Variants in DRC3 observed in about 807,000 individuals in gnomAD.
DRC3 encodes dynein regulatory complex subunit 3.
In DRC3, 45 loss-of-function variants were observed where a neutral mutation model predicts 57.6. The observed-to-expected ratio is 0.78, with a 90% CI of 0.62 to 1.00. The LOEUF (loss-of-function observed/expected upper bound fraction) is 1.00, where lower values mean the gene tolerates loss of function less well. Among genes scored for constraint, DRC3 ranks in the 50% least tolerant of loss-of-function variants. The pLI is 0.00. For missense variants in DRC3, 655 were observed against 675.2 expected (o/e 0.97, Z 0.33); for synonymous variants, 257 against 272.3 (o/e 0.94, Z 0.55).
intron 9 of DRC3, among the ~76,000 whole-genome samples, chr17:17,998,652 G>A (rs766833017): frequency 4.8e-4 from 73 of 152,190 alleles, no homozygotes; most frequent in Non-Finnish European, 8.8e-4. Flanking sequence ...GATGGAGTTG[G>A]TGATCCACTC....
At chr17:18,006,534 C>T (rs2043958455) in intron 11 of DRC3, 1 of 512,178 alleles carries the variant, frequency 2.0e-6, no homozygotes, top group Non-Finnish European at 3.5e-6. Context: ...GAGGCAACCC[C>T]CACGTGGAAG....
At chr17:18,015,847 C>A (rs1281340284) in intron 12 of DRC3, 2 of 523,242 alleles carry the variant, frequency 3.8e-6, no homozygotes, top group Admixed American at 3.2e-5. Context: ...CTGGTTGGCC[C>A]TTTCCCCACA....
chr17:17,985,035 G>A lies in DRC3; in HGVS notation c.277+1091G>A, dbSNP rs562438828. Among the ~76,000 whole-genome samples the A allele has an allele frequency of 7.2e-5, 11 of 152,170 alleles. No individual in the cohort carries two copies. The South Asian group carries it at 1.0e-3, about 14-fold the overall frequency. On this transcript the variant is annotated intron_variant, in intron 4 of 13. Coordinates refer to ENST00000399187, the MANE Select transcript of DRC3 (RefSeq NM_031294.4). ...CCTGGGCCCAGGTCTCTTGTCCCAG[G>A]TTTCTCATTTCTCTGCACTCTAGCA... is the stretch of plus-strand genomic sequence containing the variant.
At chr17:17,997,763 C>A in intron 9 of DRC3, 129 bp downstream of exon 9, 1 of 874,174 alleles carries the variant, frequency 1.1e-6, no homozygotes, top group Non-Finnish European at 1.6e-6. Context: ...TGGTTATTGT[C>A]CCCATTTGCC....
At chr17:17,998,617 T>C (rs1438998710) in intron 9 of DRC3, among the ~76,000 whole-genome samples, 3 of 152,104 alleles carry the variant, frequency 2.0e-5, no homozygotes, top group African/African-American at 7.2e-5. Context: ...TAGAGCAAAG[T>C]CCCTCGATGC....
chr17:17,988,026 C>G lies in DRC3; in HGVS notation c.372C>G (p.Ile124Met). The G allele has an allele frequency of 2.5e-6, 4 of 1,614,014 alleles. No homozygotes were observed. The highest frequency in any genetic ancestry group is 1.7e-6 in the Non-Finnish European group (2 of 1,179,896). The change falls in exon 5 of 14, where the codon ATC (isoleucine) becomes ATG (methionine). Residue 124 changes from isoleucine (I) to methionine (M), a missense_variant. Transcript: ENST00000399187. ...LSLFNNRISK[I>M]DSLDALVKLQ... ...TGTTCAACAACCGGATCTCCAAGAT[C>G]GACTCCCTGGACGCCCTCGTCAAGC...
rs1274123214 is a variant in DRC3, at chr17:18,016,661, T to G, written c.1562T>G (p.Ile521Ser). The G allele has an allele frequency of 1.4e-5, 23 of 1,608,640 alleles. No individual in the cohort carries two copies. Among genetic ancestry groups the G allele is most frequent in the Non-Finnish European group, 2.0e-5 (23 of 1,175,470 alleles). Residue 521 changes from isoleucine (I) to serine (S), a missense_variant, in exon 14 of 14, where the codon ATC becomes AGC. Coordinates refer to ENST00000399187, the MANE Select transcript of DRC3 (RefSeq NM_031294.4). ...CTGGACAACCTGGAATGTGGCGACATCCTAGACTAGATGAATGTCAGCCAC... is the reference window on the plus strand; with the variant it reads ...CTGGACAACCTGGAATGTGGCGACAGCCTAGACTAGATGAATGTCAGCCAC... ...SELDNLECGD[I>S]LD
At position 17,983,222 on chromosome 17, in the gene DRC3, G is replaced by A. The variant is rs918360709; in HGVS notation, c.161-606G>A. Among the ~76,000 whole-genome samples the A allele has an allele frequency of 3.9e-5, 6 of 152,178 alleles. 1 individual carries two copies. The South Asian group carries it at 6.2e-4, about 16-fold the overall frequency. On this transcript the variant is annotated intron_variant, in intron 3 of 13. Transcript: ENST00000399187. ...ATGGATGACTTATCTCATCCCCTAC[G>A]TATGGACATTTGGGAGCTTTTCTGC...
chr17:17,999,716 G>C (rs762428471), intron 9 of DRC3, among the ~76,000 whole-genome samples: 10 of 152,244 alleles, frequency 6.6e-5, no homozygotes, highest in Non-Finnish European at 1.3e-4. Context: ...TTGCAGAACA[G>C]AGATAACCAC....
At chr17:17,975,227 T>C (rs1055783364) in intron 2 of DRC3, among the ~76,000 whole-genome samples, 12 of 140,898 alleles carry the variant, frequency 8.5e-5, no homozygotes, top group African/African-American at 3.3e-4. Context: ...TTTTTTTTTT[T>C]CTTGATGGAG....
chr17:17,987,175 ACTGCACTCCAGT>A (rs1352454265), intron 4 of DRC3, among the ~76,000 whole-genome samples: 2 of 138,772 alleles, frequency 1.4e-5, no homozygotes, highest in Non-Finnish European at 3.0e-5. Context: ...TGATTGCGCC[ACTGCACTCCAGT>A]CTGCACAACA....
chr17:17,988,415 C>T (rs1597579596), intron 5 of DRC3: 2 of 314,260 alleles, frequency 6.4e-6, no homozygotes, highest in East Asian at 8.3e-5. Context: ...GTCCTGTGCT[C>T]ACTGGGAACA....
chr17:17,993,115 C>T, intron 6 of DRC3: 3 of 566,884 alleles, frequency 5.3e-6, no homozygotes, highest in Non-Finnish European at 9.3e-6. Context: ...TGTGCGTTCC[C>T]AGGGGCCAGG....
chr17:18,015,112 C>T (rs1470138078), intron 12 of DRC3: 1 of 152,226 alleles, frequency 6.6e-6, no homozygotes, highest in African/African-American at 2.4e-5. Flanking sequence ...CTTCAGAATA[C>T]TTTGTGCCCA....
At chr17:17,995,479 A>G (rs957960750) in intron 8 of DRC3, 17 of 201,642 alleles carry the variant, frequency 8.4e-5, no homozygotes, top group African/African-American at 3.5e-4. Context: ...CCACCCCACT[A>G]GGCAGGTACC....
chr17:17,988,316 C>T (rs2043058539), intron 5 of DRC3: 1 of 569,886 alleles, frequency 1.8e-6, no homozygotes, highest in Non-Finnish European at 3.1e-6. Flanking sequence ...TAGTTTACAA[C>T]CTCCACATTA....
intron 12 of DRC3, chr17:18,010,713 G>A (rs2044137595): frequency 5.8e-6 from 1 of 172,332 alleles, no homozygotes; most frequent in South Asian, 1.2e-4. Flanking sequence ...AGCTTTGTCA[G>A]CAGCTTCTGG....
chr17:18,002,369 C>A (rs1018817735), intron 9 of DRC3, among the ~76,000 whole-genome samples: 3 of 152,122 alleles, frequency 2.0e-5, no homozygotes, highest in Non-Finnish European at 4.4e-5. Flanking sequence ...ATGACTAATA[C>A]CAGGCATCAA....
chr17:18,006,002 AC>A (rs2043934741), intron 10 of DRC3, 180 bp from the exon 11 acceptor site: 3 of 592,916 alleles, frequency 5.1e-6, no homozygotes, highest in Non-Finnish European at 9.1e-6. Context: ...TTGGAGAACA[AC>A]AACTTTAGAG....
Sources: gnomAD v4.1 joint callset for allele counts (sites outside exome capture counted in the v4.1 genomes callset) on GRCh38, gnomAD v4.1.1 for gene constraint, MANE v1.5 for transcripts, NCBI Gene and HGNC (gene_info 2026-07-23, HGNC 2026-07-21) for gene names.